RGPD8: variants seen among roughly 807,000 people sequenced by gnomAD.
RGPD8 encodes RANBP2-like and GRIP domain-containing protein 8.
A neutral mutation model predicts 89.1 loss-of-function variants in RGPD8; 15 were observed. The observed-to-expected ratio is 0.17, with a 90% confidence interval of 0.11 to 0.26. The LOEUF is 0.26. Among genes scored for constraint, RGPD8 ranks in the 10% least tolerant of loss-of-function variants. RGPD8 has a pLI of 1.00. For missense variants in RGPD8, 178 were observed against 1,179.6 expected (o/e 0.15, Z 12.44); for synonymous variants, 62 against 420.9 (o/e 0.15, Z 10.44).
At chr2:112,424,783 G>A (rs1295300334) in intron 1 of RGPD8, among the ~76,000 whole-genome samples, 2 of 151,262 alleles carry the variant, frequency 1.3e-5, no homozygotes, top group African/African-American at 4.9e-5. Flanking sequence ...TAAGCTGGGT[G>A]CAGTTGGTCA....
intron 22 of RGPD8, among the ~76,000 whole-genome samples, chr2:112,370,736 G>A (rs2104755943): frequency 7.7e-6 from 1 of 130,416 alleles, no homozygotes; most frequent in East Asian, 2.2e-4. Flanking sequence ...TGAATTTCCG[G>A]TTGAGCCAAC....
At position 112,433,432 on chromosome 2, in the gene RGPD8, C is replaced by A. The variant is rs1278748772; in HGVS notation, c.22G>T (p.Val8Leu). ...AGCACCGAGGCGACGTACCGCTCCACATCGGCCTTGCTGCGCCTCATCGCG... is the reference window on the plus strand; with the variant it reads ...AGCACCGAGGCGACGTACCGCTCCAAATCGGCCTTGCTGCGCCTCATCGCG... MRRSKAD[V>L]ERYVASVLGL... The change falls in exon 1 of 23, where the codon GTG becomes TTG. Residue 8 changes from valine (V) to leucine (L), a missense_variant. Coordinates refer to ENST00000302558, the MANE Select transcript of RGPD8 (RefSeq NM_001164463.1). The A allele has an allele frequency of 2.5e-6, 4 of 1,609,550 alleles. No homozygotes were observed. Among genetic ancestry groups the A allele is most frequent in the Non-Finnish European group, 3.4e-6 (4 of 1,178,946 alleles).
At chr2:112,371,343 G>A (rs374556472) in intron 22 of RGPD8, among the ~76,000 whole-genome samples, 1 of 51,010 alleles carries the variant, frequency 2.0e-5, no homozygotes, top group African/African-American at 7.6e-5. Flanking sequence ...CTTGGCAACC[G>A]CTAACCTGTT....
chr2:112,379,723 G>A (rs1345100349), intron 21 of RGPD8, among the ~76,000 whole-genome samples: 1 of 142,348 alleles, frequency 7.0e-6, no homozygotes, highest in Non-Finnish European at 1.5e-5. Flanking sequence ...GCATACTGAA[G>A]TATTTAATGG....
intron 1 of RGPD8, among the ~76,000 whole-genome samples, chr2:112,429,953 G>A (rs560760627): frequency 2.6e-5 from 4 of 152,134 alleles, no homozygotes; most frequent in South Asian, 2.1e-4. Flanking sequence ...GACTACAGGC[G>A]CTGCCACCAC....
At chr2:112,408,873 T>C (rs866265134) in intron 7 of RGPD8, among the ~76,000 whole-genome samples, 6 of 151,948 alleles carry the variant, frequency 3.9e-5, no homozygotes, top group African/African-American at 7.3e-5. Context: ...GGTTTGACCA[T>C]GTTGGTCAGG....
At chr2:112,424,057 A>C (rs1679655215) in intron 2 of RGPD8, among the ~76,000 whole-genome samples, 183 bp downstream of exon 2, 1 of 152,216 alleles carries the variant, frequency 6.6e-6, no homozygotes. Flanking sequence ...GAAAACACTA[A>C]TTGCAGTTTC....
At chr2:112,415,300 G>A (rs1329165018) in intron 6 of RGPD8, among the ~76,000 whole-genome samples, 1 of 152,236 alleles carries the variant, frequency 6.6e-6, no homozygotes, top group East Asian at 1.9e-4. Flanking sequence ...CAGAAGAATG[G>A]CATGAACCTG....
chr2:112,382,736 AT>A (rs1678363577), intron 20 of RGPD8, among the ~76,000 whole-genome samples: 1 of 142,346 alleles, frequency 7.0e-6, no homozygotes, highest in African/African-American at 2.6e-5. Context: ...ATATCAAATG[AT>A]AAGAGTAGAG....
intron 7 of RGPD8, among the ~76,000 whole-genome samples, chr2:112,411,135 T>C (rs1193741842): frequency 6.6e-6 from 1 of 152,306 alleles, no homozygotes; most frequent in Non-Finnish European, 1.5e-5. Context: ...CTAAAAGTAA[T>C]GAATCCTTTT....
At chr2:112,402,431 T>C (rs1678897669) in intron 9 of RGPD8, among the ~76,000 whole-genome samples, 1 of 148,866 alleles carries the variant, frequency 6.7e-6, no homozygotes, top group Admixed American at 6.7e-5. Flanking sequence ...TGCTTGAACC[T>C]GGCAGCCGAG....
intron 1 of RGPD8, among the ~76,000 whole-genome samples, chr2:112,429,615 T>G (rs1679935900): frequency 6.6e-6 from 1 of 151,732 alleles, no homozygotes; most frequent in South Asian, 2.1e-4. Flanking sequence ...GGAGGATCAT[T>G]TACGCCCAAA....
intron 6 of RGPD8, among the ~76,000 whole-genome samples, chr2:112,414,537 T>G (rs1181003925): frequency 2.8e-5 from 3 of 105,734 alleles, no homozygotes; most frequent in Non-Finnish European, 5.6e-5. Flanking sequence ...ACATTTTTAA[T>G]GGATTACATT....
At chr2:112,402,455 G>A (rs1468853589) in intron 9 of RGPD8, among the ~76,000 whole-genome samples, 24 of 148,694 alleles carry the variant, frequency 1.6e-4, no homozygotes, top group East Asian at 3.9e-4. Flanking sequence ...GCGCCACTGC[G>A]CTCCAGCCTG....
intron 1 of RGPD8, among the ~76,000 whole-genome samples, chr2:112,425,633 G>A (rs1456631697): frequency 4.0e-5 from 6 of 151,446 alleles, no homozygotes; most frequent in Non-Finnish European, 5.9e-5. Context: ...GGTGGCACAC[G>A]CCTGTAATCC....
intron 22 of RGPD8, among the ~76,000 whole-genome samples, chr2:112,373,258 C>T (rs1678011699): frequency 1.3e-5 from 2 of 152,248 alleles, no homozygotes; most frequent in African/African-American, 4.8e-5. Context: ...ATACTTACCA[C>T]TGTCTATTTG....
chr2:112,419,606 T>C (rs1253828992), intron 4 of RGPD8, among the ~76,000 whole-genome samples: 6 of 152,290 alleles, frequency 3.9e-5, no homozygotes, highest in African/African-American at 1.4e-4. Context: ...AAAAAAAAAA[T>C]CTGATACAGG....
At chr2:112,395,685 CTTAA>C (rs1678804981) in intron 17 of RGPD8, among the ~76,000 whole-genome samples, 1 of 134,788 alleles carries the variant, frequency 7.4e-6, no homozygotes, top group African/African-American at 2.7e-5. Context: ...CACTTAAACT[CTTAA>C]TTTTTACACC....
intron 22 of RGPD8, among the ~76,000 whole-genome samples, chr2:112,373,015 G>A (rs1039015417): frequency 6.9e-6 from 1 of 144,708 alleles, no homozygotes; most frequent in Non-Finnish European, 1.5e-5. Context: ...CCCAGTCTGG[G>A]AGCAAAGAAG....
Sources: allele counts gnomAD v4.1 joint callset (sites outside exome capture counted in the v4.1 genomes callset), GRCh38; gene constraint gnomAD v4.1.1; transcripts MANE v1.5; gene names NCBI Gene and HGNC (gene_info 2026-07-23, HGNC 2026-07-21).